The following CSNK1E variants were observed in gnomAD, a reference collection of about 807,000 sequenced individuals.
The protein encoded by CSNK1E is casein kinase I isoform epsilon.
Under a neutral mutation model 46.1 loss-of-function variants are expected in CSNK1E, and 17 were observed. The ratio of observed to expected loss-of-function variants is 0.37; its 90% CI spans 0.25 to 0.55. CSNK1E has a LOEUF of 0.55. Among genes scored for constraint, CSNK1E ranks in the 20% least tolerant of loss-of-function variants. The pLI, the probability that CSNK1E is intolerant of heterozygous loss-of-function variation, is 0.82. For synonymous variants in CSNK1E, 241 were observed against 242.6 expected (o/e 0.99, Z 0.06); for missense variants, 386 against 595.4 (o/e 0.65, Z 3.66).
In CSNK1E at chr22:38,309,580, G is replaced by A. The variant is rs964048121; in HGVS notation, c.76+4502C>T. 5.3e-5 allele frequency among the ~76,000 whole-genome samples: 8 copies of A among 151,756 alleles called. No homozygotes were observed. Among genetic ancestry groups the A allele is most frequent in the African/African-American group, 1.7e-4 (7 of 41,296 alleles). Reference sequence around the variant, plus strand: ...AGCGATTCTCATGCCTCAGCCTCCCGAGTAACTGGGATTACAAGCAGACAC... The same window carrying A: ...AGCGATTCTCATGCCTCAGCCTCCCAAGTAACTGGGATTACAAGCAGACAC... On this transcript the variant is annotated intron_variant, in intron 2 of 10. Coordinates refer to ENST00000396832, the MANE Select transcript of CSNK1E (RefSeq NM_152221.3). The surrounding 1 kb of genome is among the most constrained non-coding windows in gnomAD (Gnocchi z 4.8).
rs1174513454 is a variant in CSNK1E, at chr22:38,296,940, A to G, written c.885+1846T>C. 3 of 608,978 alleles carry G rather than the reference A, an allele frequency of 4.9e-6. No individual in the cohort carries two copies. In the South Asian group the frequency reaches 5.8e-5, roughly 12 times the overall value. The allele number at this position is 608,978 out of a possible 1,614,324, so 37.7% of individuals were successfully genotyped here. ...CAGGAACACACCACCATGCCCAGCTAATTTTTGTGTTTTTAGTAGAAATGG... is the reference window on the plus strand; with the variant it reads ...CAGGAACACACCACCATGCCCAGCTGATTTTTGTGTTTTTAGTAGAAATGG... On this transcript the variant is annotated intron_variant, in intron 7 of 10. Transcript: ENST00000396832.
rs745393003 is a variant in CSNK1E, at chr22:38,298,844, A to G, written c.827T>C (p.Leu276Pro). 5 of 1,614,168 alleles carry G rather than the reference A, an allele frequency of 3.1e-6. No individual in the cohort carries two copies. Among genetic ancestry groups the G allele is most frequent in the Non-Finnish European group, 8.5e-7 (1 of 1,180,020 alleles). Residue 276 changes from leucine (L) to proline (P), a missense_variant, in exon 7 of 11, where the codon CTC (leucine) becomes CCC (proline). By Grantham distance (98) the Leu-to-Pro change is moderately conservative (BLOSUM62 -3). Coordinates refer to ENST00000396832, the MANE Select transcript of CSNK1E (RefSeq NM_152221.3). This position sits in a 1 kb window ranked among gnomAD's most constrained non-coding sequence, Gnocchi z 4.2. Reference protein sequence around the residue: ...YSYLRQLFRNLFHRQGFSYDY... With the variant: ...YSYLRQLFRNPFHRQGFSYDY... ...ATAGGAGAAGCCCTGCCGGTGGAAGAGGTTGCGGAAGAGCTGACGTAGGTA... is the reference window on the plus strand; with the variant it reads ...ATAGGAGAAGCCCTGCCGGTGGAAGGGGTTGCGGAAGAGCTGACGTAGGTA...
chr22:38,293,226 G>A, intron 10 of CSNK1E, 29 bp downstream of exon 10: 2 of 1,590,108 alleles, frequency 1.3e-6, no homozygotes, highest in Admixed American at 3.3e-5. Context: ...CGGCTGGGCT[G>A]GCTGCATCTG....
At chr22:38,308,135 G>A (rs1473686867) in intron 2 of CSNK1E, among the ~76,000 whole-genome samples, 1 of 152,170 alleles carries the variant, frequency 6.6e-6, no homozygotes, top group Non-Finnish European at 1.5e-5. Flanking sequence ...CACAGAAATA[G>A]AATCAAACAG....
chr22:38,300,175 C>G lies in CSNK1E; in HGVS notation c.566-110G>C. ...CACCAGGACCCTCCTGCCCCCACGT[C>G]GGATGTTGCTCACTGCACGCATTTT... On this transcript the variant is annotated intron_variant, in intron 5 of 10. Coordinates refer to ENST00000396832, the MANE Select transcript of CSNK1E (RefSeq NM_152221.3). This position sits in a 1 kb window ranked among gnomAD's most constrained non-coding sequence, Gnocchi z 4.4. 1 of 1,009,332 alleles carries G rather than the reference C, an allele frequency of 9.9e-7. No individual in the cohort carries two copies. Among genetic ancestry groups the G allele is most frequent in the Non-Finnish European group, 1.4e-6 (1 of 696,178 alleles). 62.5% of individuals were successfully genotyped at this position (1,009,332 alleles called of 1,614,324 possible).
rs992450390 is a variant in CSNK1E at position 38,294,159 on chromosome 22, A to G, written c.1168T>C (p.Ser390Pro). Residue 390 changes from serine (S) to proline (P), a missense_variant, in exon 9 of 11, where the codon TCC (serine) becomes CCC (proline). This residue lies in a region of CSNK1E where 174 missense variants were observed against 185.2 expected (regional missense o/e 0.94). Transcript: ENST00000396832. This position sits in a 1 kb window ranked among gnomAD's most constrained non-coding sequence, Gnocchi z 5.5. ...LHRGAPANVS[S>P]SDLTGRQEVS... ...TCTTGCCGCCCAGTGAGGTCTGAGG[A>G]GGAGACGTTGGCGGGCGCACCCCTG... is the stretch of plus-strand genomic sequence containing the variant. The G allele has an allele frequency of 3.1e-6, 5 of 1,612,250 alleles. No homozygotes were observed. Among genetic ancestry groups the G allele is most frequent in the Non-Finnish European group, 4.2e-6 (5 of 1,179,732 alleles).
rs536056594 is a variant in CSNK1E at position 38,300,441 on chromosome 22, T to C, written c.565+283A>G. Among the ~76,000 whole-genome samples, 1 of 152,234 alleles carries C rather than the reference T, an allele frequency of 6.6e-6. No individual in the cohort carries two copies. Among genetic ancestry groups the C allele is most frequent in the South Asian group, 2.1e-4 (1 of 4,832 alleles). On this transcript the variant is annotated intron_variant, in intron 5 of 10. Transcript: ENST00000396832. This position sits in a 1 kb window ranked among gnomAD's most constrained non-coding sequence, Gnocchi z 4.4. ...AAGCTGCATGACCTTAAGCAACCCATGTTAAACCTCTGAGCCTGTATCTTC... is the reference window on the plus strand; with the variant it reads ...AAGCTGCATGACCTTAAGCAACCCACGTTAAACCTCTGAGCCTGTATCTTC...
At chr22:38,304,839 C>T (rs191207234) in intron 2 of CSNK1E, among the ~76,000 whole-genome samples, 2 of 152,142 alleles carry the variant, frequency 1.3e-5, no homozygotes, top group African/African-American at 2.4e-5. Flanking sequence ...ACATTCTACC[C>T]GAGGCCAGGC....
intron 7 of CSNK1E, chr22:38,296,517 C>T: frequency 6.3e-7 from 1 of 1,590,428 alleles, no homozygotes; most frequent in African/African-American, 1.3e-5. Flanking sequence ...TGCCAGGGGA[C>T]TGCTGGAGGT....
chr22:38,299,350 C>T (rs544820816), intron 6 of CSNK1E, among the ~76,000 whole-genome samples: 1 of 152,328 alleles, frequency 6.6e-6, no homozygotes, highest in African/African-American at 2.4e-5. Context: ...CCAATTCCTC[C>T]TCAAAAACAC....
chr22:38,314,840 T>A (rs1213404790), intron 1 of CSNK1E, among the ~76,000 whole-genome samples: 3 of 152,144 alleles, frequency 2.0e-5, no homozygotes, highest in Non-Finnish European at 1.5e-5. Context: ...TGTGAGCAGC[T>A]TCTCTCCTTC....
Position 38,309,702 on chromosome 22 carries a change from G to A in CSNK1E, c.76+4380C>T, listed in dbSNP as rs540604429. Among the ~76,000 whole-genome samples, 1 of 152,236 alleles carries A rather than the reference G, an allele frequency of 6.6e-6. No individual in the cohort carries two copies. Among genetic ancestry groups the A allele is most frequent in the African/African-American group, 2.4e-5 (1 of 41,548 alleles). ...ACTCCTGACCTCAAATGATCTGCCC[G>A]CCTTGGTCTCCCAAGTGCTGGGATT... On this transcript the variant is annotated intron_variant, in intron 2 of 10. Transcript: ENST00000396832. The surrounding 1 kb of genome is among the most constrained non-coding windows in gnomAD (Gnocchi z 4.8).
At chr22:38,295,060 A>G (rs2092632883) in intron 7 of CSNK1E, among the ~76,000 whole-genome samples, 1 of 152,190 alleles carries the variant, frequency 6.6e-6, no homozygotes, top group African/African-American at 2.4e-5. Flanking sequence ...GTACCTAGCC[A>G]GGGGCTCTTC....
At chr22:38,304,466 A>T (rs1453866422) in intron 2 of CSNK1E, among the ~76,000 whole-genome samples, 1 of 152,136 alleles carries the variant, frequency 6.6e-6, no homozygotes, top group African/African-American at 2.4e-5. Context: ...ACATAAACAA[A>T]CGCTCGCCCA....
intron 2 of CSNK1E, among the ~76,000 whole-genome samples, chr22:38,311,188 A>G (rs1374969300): frequency 2.0e-5 from 3 of 152,174 alleles, no homozygotes; most frequent in Non-Finnish European, 4.4e-5. Flanking sequence ...GGTATTTTAC[A>G]CGCCACGACC....
At chr22:38,299,024 T>A in intron 6 of CSNK1E, 90 bp from the exon 7 acceptor site, 4 of 1,424,818 alleles carry the variant, frequency 2.8e-6, no homozygotes, top group Non-Finnish European at 3.9e-6. Flanking sequence ...CCACCCACTG[T>A]CCCTAGATAC....
Position 38,294,348 on chromosome 22 carries a change from G to A in CSNK1E, c.1072C>T (p.Pro358Ser), listed in dbSNP as rs933107003. Residue 358 changes from proline (P) to serine (S), a missense_variant, in exon 8 of 11, where the codon CCG becomes TCG. By Grantham distance (74) the Pro-to-Ser change is moderately conservative (BLOSUM62 -1). This residue lies in a region of CSNK1E where 174 missense variants were observed against 185.2 expected (regional missense o/e 0.94). Transcript: ENST00000396832. The surrounding 1 kb of genome is among the most constrained non-coding windows in gnomAD (Gnocchi z 5.5). ...TGCCTGAGTCCCTGCTCACCAGCCG[G>A]CTGGATGCGGGAGGCTGGCGTGGAA... is the stretch of plus-strand genomic sequence containing the variant. ...VASTPASRIQ[P>S]AGNTSPRAIS... The A allele has an allele frequency of 1.3e-6, 2 of 1,573,286 alleles. No homozygotes were observed. Among genetic ancestry groups the A allele is most frequent in the African/African-American group, 1.3e-5 (1 of 74,394 alleles).
At chr22:38,293,907 C>T (rs1424263012) in intron 9 of CSNK1E, 1 of 630,828 alleles carries the variant, frequency 1.6e-6, no homozygotes, top group Admixed American at 3.0e-5. Flanking sequence ...CTGCCCTGAG[C>T]CTTGGTGAAT....
In CSNK1E at chr22:38,300,195, C is replaced by T. The variant is rs962169841; in HGVS notation, c.566-130G>A. Reference sequence around the variant, plus strand: ...CACGTCGGATGTTGCTCACTGCACGCATTTTAAACAGGCACTGCTATTATC... The same window carrying T: ...CACGTCGGATGTTGCTCACTGCACGTATTTTAAACAGGCACTGCTATTATC... On this transcript the variant is annotated intron_variant, in intron 5 of 10. Coordinates refer to ENST00000396832, the MANE Select transcript of CSNK1E (RefSeq NM_152221.3). The surrounding 1 kb of genome is among the most constrained non-coding windows in gnomAD (Gnocchi z 4.4). 2.6e-6 allele frequency: 2 copies of T among 771,872 alleles called. No individual in the cohort carries two copies. The highest frequency in any genetic ancestry group is 3.0e-4 in the Middle Eastern group (1 of 3,314). The allele number at this position is 771,872 out of a possible 1,614,324, so 47.8% of individuals were successfully genotyped here.
Sources: gnomAD v4.1 joint callset for allele counts (sites outside exome capture counted in the v4.1 genomes callset) on GRCh38, gnomAD v4.1.1 for gene constraint, gnomAD v4.1.1 regional missense constraint, Gnocchi (gnomAD v3.1) non-coding constraint, MANE v1.5 for transcripts, NCBI Gene and HGNC (gene_info 2026-07-23, HGNC 2026-07-21) for gene names.